The following PNLIP variants were observed in gnomAD, a reference collection of about 807,000 sequenced individuals.
PNLIP encodes the protein pancreatic triacylglycerol lipase.
In PNLIP, 49 loss-of-function variants were observed where a neutral mutation model predicts 57.1. The observed-to-expected ratio is 0.86, with a 90% CI of 0.68 to 1.09. The LOEUF is 1.09. PNLIP is among the 50% of genes least tolerant of loss of function. The pLI, the probability that PNLIP is intolerant of heterozygous loss-of-function variation, is 0.00. For missense variants in PNLIP, 503 were observed against 570.2 expected (o/e 0.88, Z 1.20); for synonymous variants, 209 against 200.4 (o/e 1.04, Z -0.36).
Position 116,567,311 on chromosome 10 carries a change from G to A in PNLIP, c.1335-424G>A, listed in dbSNP as rs201620309. Among the ~76,000 whole-genome samples, 18 of 151,606 alleles carry A rather than the reference G, an allele frequency of 1.2e-4. No individual in the cohort carries two copies. In the East Asian group the frequency reaches 3.5e-3, roughly 29 times the overall value. Reference sequence around the variant, plus strand: ...AGAAGGCATATTGTTCAGTCACAATGAGAAAAGTTTGTCATTTCAGTTCAA... The same window carrying A: ...AGAAGGCATATTGTTCAGTCACAATAAGAAAAGTTTGTCATTTCAGTTCAA... On this transcript the variant is annotated intron_variant, in intron 12 of 12. Coordinates refer to ENST00000369221, the MANE Select transcript of PNLIP (RefSeq NM_000936.4).
intron 4 of PNLIP, among the ~76,000 whole-genome samples, chr10:116,549,294 G>A (rs1263550029): frequency 6.6e-6 from 1 of 151,844 alleles, no homozygotes; most frequent in Admixed American, 6.6e-5. Flanking sequence ...TGGCTAACAC[G>A]GTGAAACCCC....
chr10:116,554,328 C>T (rs1847228993), intron 6 of PNLIP, among the ~76,000 whole-genome samples: 1 of 152,160 alleles, frequency 6.6e-6, no homozygotes, highest in African/African-American at 2.4e-5. Flanking sequence ...ATTTGTATAA[C>T]TAATTATATT....
chr10:116,559,336 T>G, intron 10 of PNLIP, 53 bp downstream of exon 10: 2 of 1,356,178 alleles, frequency 1.5e-6, no homozygotes, highest in Non-Finnish European at 2.1e-6. Flanking sequence ...ATTTTATTAT[T>G]ATGTCCACTG....
chr10:116,555,862 T>C (rs749543814), intron 8 of PNLIP, 138 bp from the exon 9 acceptor site: 5 of 657,540 alleles, frequency 7.6e-6, no homozygotes, highest in Non-Finnish European at 1.4e-5. Context: ...ATAAATATAC[T>C]TTACAAATGA....
At chr10:116,566,447 A>G (rs1275856101) in intron 12 of PNLIP, among the ~76,000 whole-genome samples, 1 of 152,162 alleles carries the variant, frequency 6.6e-6, no homozygotes. Flanking sequence ...AGGAAGAAAG[A>G]AAATTGGGGG....
chr10:116,552,815 G>A (rs557490643), intron 5 of PNLIP, among the ~76,000 whole-genome samples: 3 of 152,122 alleles, frequency 2.0e-5, no homozygotes, highest in Non-Finnish European at 2.9e-5. Flanking sequence ...GAACCCGGGA[G>A]GTGGAGCTTG....
chr10:116,562,710 C>A (rs142162944), intron 12 of PNLIP, among the ~76,000 whole-genome samples: 1 of 152,124 alleles, frequency 6.6e-6, no homozygotes, highest in African/African-American at 2.4e-5. Context: ...ATTGAAATAT[C>A]CATTTGATGG....
At chr10:116,551,063 A>G (rs1186070294) in intron 4 of PNLIP, 35 bp from the exon 5 acceptor site, 2 of 1,509,536 alleles carry the variant, frequency 1.3e-6, no homozygotes, top group Non-Finnish European at 1.8e-6. Context: ...AAAGATCCTG[A>G]ATTATTTATC....
chr10:116,562,058 A>G (rs1847320990), intron 12 of PNLIP, among the ~76,000 whole-genome samples: 1 of 152,214 alleles, frequency 6.6e-6, no homozygotes, highest in Admixed American at 6.5e-5. Context: ...TGGTCTTCTT[A>G]GTGAAGACGA....
rs867471299 is a variant in PNLIP, at chr10:116,555,860, A to G, written c.812-140A>G. On this transcript the variant is annotated intron_variant, in intron 8 of 12. Coordinates refer to ENST00000369221, the MANE Select transcript of PNLIP (RefSeq NM_000936.4). ...TGATTACATCACAAATCATAAATATACTTTACAAATGACTTTGTTCTGTGA... is the reference window on the plus strand; with the variant it reads ...TGATTACATCACAAATCATAAATATGCTTTACAAATGACTTTGTTCTGTGA... 7.6e-6 allele frequency: 5 copies of G among 653,622 alleles called. No homozygotes were observed. In the Middle Eastern group the frequency reaches 1.3e-3, roughly 171 times the overall value. 40.5% of individuals were successfully genotyped at this position (653,622 alleles called of 1,614,324 possible).
intron 12 of PNLIP, among the ~76,000 whole-genome samples, chr10:116,562,206 CA>C (rs1847322651): frequency 6.6e-6 from 1 of 152,118 alleles, no homozygotes; most frequent in African/African-American, 2.4e-5. Context: ...AGTATTAGGC[CA>C]AATTCTGAGG....
At chr10:116,562,983 A>G (rs1387867387) in intron 12 of PNLIP, among the ~76,000 whole-genome samples, 1 of 152,244 alleles carries the variant, frequency 6.6e-6, no homozygotes, top group East Asian at 1.9e-4. Flanking sequence ...AATCCACAGT[A>G]TCTGACTTTG....
In PNLIP at chr10:116,555,243, G is replaced by A. The variant is rs1184614654; in HGVS notation, c.637G>A (p.Ala213Thr). The A allele has an allele frequency of 3.7e-6, 6 of 1,614,160 alleles. No individual in the cohort carries two copies. The highest frequency in any genetic ancestry group is 3.3e-5 in the Admixed American group (2 of 60,026). Residue 213 changes from alanine to threonine, a missense_variant, in exon 7 of 13, where the codon GCC becomes ACC. Ala to Thr is a moderately conservative substitution (Grantham distance 58). Coordinates refer to ENST00000369221, the MANE Select transcript of PNLIP (RefSeq NM_000936.4). ...ATTAGTCCGATTGGACCCCAGCGAT[G>A]CCAAATTTGTGGATGTAATTCACAC... is the stretch of plus-strand genomic sequence containing the variant. Reference protein sequence around the residue: ...PELVRLDPSDAKFVDVIHTDG... With the variant: ...PELVRLDPSDTKFVDVIHTDG...
chr10:116,563,172 G>A (rs987406678), intron 12 of PNLIP, among the ~76,000 whole-genome samples: 3 of 152,064 alleles, frequency 2.0e-5, no homozygotes, highest in Non-Finnish European at 4.4e-5. Flanking sequence ...GGCATATACA[G>A]GTTAAGTGTT....
At chr10:116,557,600 T>A (rs1847266517) in intron 9 of PNLIP, among the ~76,000 whole-genome samples, 1 of 152,164 alleles carries the variant, frequency 6.6e-6, no homozygotes, top group Admixed American at 6.5e-5. Flanking sequence ...GCTTTGGCCA[T>A]TTCTTCCCGG....
intron 4 of PNLIP, among the ~76,000 whole-genome samples, chr10:116,550,279 C>T (rs192522410): frequency 5.3e-5 from 8 of 151,254 alleles, no homozygotes; most frequent in Non-Finnish European, 8.8e-5. Flanking sequence ...AGGATGGTCT[C>T]GATCTCATGA....
Position 116,560,478 on chromosome 10 carries a change from T to C in PNLIP, c.1123T>C (p.Ser375Pro). The C allele has an allele frequency of 6.2e-7, 1 of 1,608,548 alleles. No homozygotes were observed. Among genetic ancestry groups the C allele is most frequent in the South Asian group, 1.1e-5 (1 of 90,612 alleles). Residue 375 changes from serine (S) to proline (P), a missense_variant, in exon 11 of 13, where the codon TCT becomes CCT. Coordinates refer to ENST00000369221, the MANE Select transcript of PNLIP (RefSeq NM_000936.4). ...AAAGGTTACAGGACACATACTAGTT[T>C]CTTTGTTCGGAAATAAAGGAAACTC... ...GKKVTGHILV[S>P]LFGNKGNSKQ...
intron 10 of PNLIP, 121 bp downstream of exon 10, chr10:116,559,404 G>A (rs939106712): frequency 2.2e-5 from 16 of 716,646 alleles, no homozygotes; most frequent in Middle Eastern, 4.0e-4. Context: ...CTGCAAGGTG[G>A]AAAAATGCTC....
chr10:116,553,305 A>C (rs1345669669), intron 5 of PNLIP, among the ~76,000 whole-genome samples: 1 of 152,178 alleles, frequency 6.6e-6, no homozygotes, highest in Non-Finnish European at 1.5e-5. Context: ...GGGTTTCACC[A>C]TATTGGCCAG....
Sources: allele counts gnomAD v4.1 joint callset (sites outside exome capture counted in the v4.1 genomes callset), GRCh38; gene constraint gnomAD v4.1.1; transcripts MANE v1.5; gene names NCBI Gene and HGNC (gene_info 2026-07-23, HGNC 2026-07-21).